The following NFIA variants were observed in gnomAD, a reference collection of about 807,000 sequenced individuals.
NFIA encodes the protein nuclear factor I A.
A neutral mutation model predicts 62.8 loss-of-function variants in NFIA; 8 were observed. The ratio of observed to expected loss-of-function variants is 0.13; its 90% CI spans 0.07 to 0.23. NFIA has a LOEUF of 0.23. Ranked by LOEUF, NFIA falls within the 10% of genes least tolerant of loss-of-function variation. The pLI is 1.00. For missense variants in NFIA, 410 were observed against 642.1 expected, an observed-to-expected ratio of 0.64 and a Z score of 3.91; for synonymous variants, 235 against 238.1, an observed-to-expected ratio of 0.99 and a Z score of 0.12.
chr1:61,198,838 C>G (rs1485184443), intron 2 of NFIA, among the ~76,000 whole-genome samples: 1 of 152,186 alleles, frequency 6.6e-6, no homozygotes, highest in Non-Finnish European at 1.5e-5. Flanking sequence ...ACATGGCACC[C>G]TAATTAAAAT....
intron 2 of NFIA, among the ~76,000 whole-genome samples, chr1:61,274,920 GA>G (rs1168837694): frequency 6.6e-6 from 1 of 152,054 alleles, no homozygotes; most frequent in African/African-American, 2.4e-5. Flanking sequence ...CTTCTTGGCT[GA>G]AAAAGAAAAT....
intron 2 of NFIA, among the ~76,000 whole-genome samples, chr1:61,161,320 A>C (rs1029537210): frequency 1.3e-5 from 2 of 152,196 alleles, no homozygotes; most frequent in African/African-American, 4.8e-5. Context: ...ACCAAGTTCA[A>C]GCGCTAGAGA....
chr1:61,396,022 CA>C (rs894824042), intron 7 of NFIA, among the ~76,000 whole-genome samples: 28 of 152,294 alleles, frequency 1.8e-4, no homozygotes, highest in African/African-American at 6.3e-4. Context: ...GAATTCTATA[CA>C]TCCACTAGAG....
At chr1:61,338,040 GC>G (rs1661706756) in intron 4 of NFIA, among the ~76,000 whole-genome samples, 1 of 152,122 alleles carries the variant, frequency 6.6e-6, no homozygotes, top group Non-Finnish European at 1.5e-5. Flanking sequence ...TGTGACTCTG[GC>G]CTGGTGGGCT....
chr1:61,318,782 T>G (rs1168288502), intron 3 of NFIA, among the ~76,000 whole-genome samples: 1 of 152,166 alleles, frequency 6.6e-6, no homozygotes, highest in African/African-American at 2.4e-5. Context: ...TTTCTTCTCC[T>G]TGTCCTTTAT....
At position 61,333,872 on chromosome 1, in the gene NFIA, C is replaced by A. The variant is rs145687630; in HGVS notation, c.700+1286C>A. Among the ~76,000 whole-genome samples the A allele has an allele frequency of 2.9e-3, 437 of 152,144 alleles. 6 individuals are homozygous for A. Among genetic ancestry groups the A allele is most frequent in the African/African-American group, 9.8e-3 (405 of 41,514 alleles). ...AAGATTAGCTGGGCATGGTGGTGCA[C>A]GCCTATGGCCCCAGCTACTCAGGAG... On this transcript the variant is annotated intron_variant, in intron 4 of 10. Transcript: ENST00000403491.
intron 4 of NFIA, among the ~76,000 whole-genome samples, chr1:61,344,611 A>G (rs1662115230): frequency 6.6e-6 from 1 of 152,224 alleles, no homozygotes; most frequent in Non-Finnish European, 1.5e-5. Context: ...GGGGTTTTCT[A>G]TATCTTGTCC....
In NFIA at chr1:61,371,340, A is replaced by AT. The variant is rs1014649982; in HGVS notation, c.947-11888dup. 9.9e-5 allele frequency among the ~76,000 whole-genome samples: 15 copies of AT among 151,342 alleles called. No individual in the cohort carries two copies. In the South Asian group the frequency reaches 2.3e-3, roughly 23 times the overall value. Reference sequence around the variant, plus strand: ...TTTTAAGAGTTCGTTCTTCCAGTGGATTTTTTTTTCCTTCAGAAATCTTAT... The same window carrying AT: ...TTTTAAGAGTTCGTTCTTCCAGTGGATTTTTTTTTTCCTTCAGAAATCTTAT... On this transcript the variant is annotated intron_variant, in intron 6 of 10. Coordinates refer to ENST00000403491, the MANE Select transcript of NFIA (RefSeq NM_001134673.4).
At chr1:61,333,508 A>G (rs990380861) in intron 4 of NFIA, among the ~76,000 whole-genome samples, 7 of 152,196 alleles carry the variant, frequency 4.6e-5, no homozygotes, top group Non-Finnish European at 1.5e-5. Context: ...GAGTCTTGAG[A>G]GCACAGAATG....
chr1:61,313,074 A>G (rs1255548688), intron 3 of NFIA, among the ~76,000 whole-genome samples: 12 of 152,246 alleles, frequency 7.9e-5, no homozygotes, highest in Admixed American at 7.2e-4. Flanking sequence ...TAGTAGGGCA[A>G]GGATAGAGCC....
chr1:61,141,761 C>A (rs546710429), intron 2 of NFIA, among the ~76,000 whole-genome samples: 3 of 152,140 alleles, frequency 2.0e-5, no homozygotes, highest in African/African-American at 7.2e-5. Flanking sequence ...ATTAACACAG[C>A]GATCATGCTC....
At chr1:61,129,005 C>G (rs1418957978) in intron 2 of NFIA, among the ~76,000 whole-genome samples, 2 of 128,418 alleles carry the variant, frequency 1.6e-5, no homozygotes, top group African/African-American at 5.8e-5. Flanking sequence ...TCACTGCAAG[C>G]TCCGCCTCCC....
At chr1:61,321,468 G>A (rs1284947719) in intron 3 of NFIA, among the ~76,000 whole-genome samples, 1 of 151,954 alleles carries the variant, frequency 6.6e-6, no homozygotes, top group East Asian at 1.9e-4. Flanking sequence ...AGGAAGGACG[G>A]AAGGATATTT....
intron 3 of NFIA, among the ~76,000 whole-genome samples, chr1:61,330,446 CA>C (rs762906321): frequency 0.025 from 869 of 35,000 alleles, 46 homozygotes; most frequent in South Asian, 0.19. Flanking sequence ...ACCCCCCCCA[CA>C]CACACACACA....
intron 6 of NFIA, among the ~76,000 whole-genome samples, chr1:61,362,204 A>T (rs527647522): frequency 1.3e-5 from 2 of 152,116 alleles, no homozygotes; most frequent in African/African-American, 4.8e-5. Context: ...TCCCACACTT[A>T]TGCAGGCCTG....
chr1:61,155,374 C>G (rs896621316), intron 2 of NFIA, among the ~76,000 whole-genome samples: 1 of 152,132 alleles, frequency 6.6e-6, no homozygotes, highest in Non-Finnish European at 1.5e-5. Flanking sequence ...TGATGTTTGA[C>G]TTTAAAATTC....
At chr1:61,397,256 C>G (rs564543278) in intron 7 of NFIA, among the ~76,000 whole-genome samples, 6 of 152,210 alleles carry the variant, frequency 3.9e-5, no homozygotes, top group African/African-American at 1.4e-4. Context: ...ACTTAGATAT[C>G]TATGGTATCT....
chr1:61,191,983 G>GGA (rs1159091639), intron 2 of NFIA, among the ~76,000 whole-genome samples: 1 of 151,692 alleles, frequency 6.6e-6, no homozygotes, highest in African/African-American at 2.4e-5. Context: ...TTTTTGACAT[G>GGA]GAGTCTTGCT....
chr1:61,188,625 C>T (rs753585177), intron 2 of NFIA, among the ~76,000 whole-genome samples: 6 of 152,164 alleles, frequency 3.9e-5, no homozygotes, highest in Non-Finnish European at 5.9e-5. Context: ...TCATCATCAT[C>T]GTCATCTTTT....
Sources: gnomAD v4.1 joint callset for allele counts (sites outside exome capture counted in the v4.1 genomes callset) on GRCh38, gnomAD v4.1.1 for gene constraint, MANE v1.5 for transcripts, NCBI Gene and HGNC (gene_info 2026-07-23, HGNC 2026-07-21) for gene names.